PITPNC1: variants seen among roughly 807,000 people sequenced by gnomAD.
PITPNC1 encodes the protein cytoplasmic phosphatidylinositol transfer protein 1.
PITPNC1 carries 18 observed loss-of-function variants against 44.7 expected under a neutral mutation model. The observed-to-expected ratio is 0.40, with a 90% CI of 0.28 to 0.60. The LOEUF is 0.60. Ranked by LOEUF, PITPNC1 falls within the 20% of genes least tolerant of loss-of-function variation. The pLI, the probability that PITPNC1 is intolerant of heterozygous loss-of-function variation, is 0.39. For synonymous variants in PITPNC1, 141 were observed against 149.6 expected (o/e 0.94, Z 0.42); for missense variants, 290 against 418.4 (o/e 0.69, Z 2.68).
chr17:67,661,554 C>T (rs931044795), intron 6 of PITPNC1, among the ~76,000 whole-genome samples: 4 of 152,228 alleles, frequency 2.6e-5, no homozygotes, highest in Admixed American at 6.5e-5. Context: ...TGTAGGGTTG[C>T]GTCTGTTCTG....
At chr17:67,463,258 G>A (rs1283903039) in intron 1 of PITPNC1, among the ~76,000 whole-genome samples, 2 of 152,128 alleles carry the variant, frequency 1.3e-5, no homozygotes, top group Non-Finnish European at 2.9e-5. Context: ...GTGTTTCTTT[G>A]TGCCTCTGAT....
chr17:67,660,450 A>T (rs1324036550), intron 6 of PITPNC1, among the ~76,000 whole-genome samples: 1 of 152,206 alleles, frequency 6.6e-6, no homozygotes, highest in Non-Finnish European at 1.5e-5. Flanking sequence ...ACATCAATTG[A>T]GCACTTGCTA....
intron 5 of PITPNC1, among the ~76,000 whole-genome samples, chr17:67,601,994 G>A (rs1425703630): frequency 2.0e-5 from 3 of 152,206 alleles, no homozygotes; most frequent in African/African-American, 7.2e-5. Context: ...GGGTAATAAA[G>A]GTCAAAGATA....
At chr17:67,426,676 A>C (rs1437020593) in intron 1 of PITPNC1, among the ~76,000 whole-genome samples, 2 of 152,302 alleles carry the variant, frequency 1.3e-5, no homozygotes, top group Admixed American at 6.5e-5. Flanking sequence ...CATGGCACAC[A>C]TATACCTATG....
At chr17:67,571,466 A>C (rs1657673912) in intron 4 of PITPNC1, among the ~76,000 whole-genome samples, 1 of 152,144 alleles carries the variant, frequency 6.6e-6, no homozygotes, top group Non-Finnish European at 1.5e-5. Context: ...AAAATAACAC[A>C]AGTTTGTTAT....
At chr17:67,606,359 C>A (rs1302446104) in intron 5 of PITPNC1, among the ~76,000 whole-genome samples, 1 of 152,146 alleles carries the variant, frequency 6.6e-6, no homozygotes, top group Non-Finnish European at 1.5e-5. Context: ...ATTATTAAGA[C>A]AAGGGACCCT....
At chr17:67,601,754 C>CAAAAAG in intron 5 of PITPNC1, among the ~76,000 whole-genome samples, 1 of 151,700 alleles carries the variant, frequency 6.6e-6, no homozygotes, top group Non-Finnish European at 1.5e-5. Context: ...GACCCTGTCT[C>CAAAAAG]AAAAAGAAAA....
intron 1 of PITPNC1, among the ~76,000 whole-genome samples, chr17:67,465,878 G>T (rs2039419074): frequency 6.6e-6 from 1 of 152,024 alleles, no homozygotes; most frequent in Admixed American, 6.6e-5. Flanking sequence ...TGGGATGGGG[G>T]CTAGAGGGCT....
chr17:67,594,559 T>A (rs1321617776), intron 5 of PITPNC1, among the ~76,000 whole-genome samples: 1 of 152,196 alleles, frequency 6.6e-6, no homozygotes, highest in Non-Finnish European at 1.5e-5. Context: ...CTCTGCCTTG[T>A]GGCCTCCTGC....
chr17:67,529,538 A>G (rs1206243021), intron 1 of PITPNC1, among the ~76,000 whole-genome samples: 1 of 152,252 alleles, frequency 6.6e-6, no homozygotes, highest in African/African-American at 2.4e-5. Flanking sequence ...AACGTTGTGC[A>G]AAACCACCTC....
intron 1 of PITPNC1, among the ~76,000 whole-genome samples, chr17:67,466,974 T>C (rs1244742459): frequency 6.6e-6 from 1 of 152,162 alleles, no homozygotes; most frequent in Non-Finnish European, 1.5e-5. Context: ...AACTGGGCAT[T>C]CTTGTGTTAA....
intron 1 of PITPNC1, among the ~76,000 whole-genome samples, chr17:67,431,257 C>T (rs1598653497): frequency 6.6e-6 from 1 of 152,066 alleles, no homozygotes; most frequent in African/African-American, 2.4e-5. Flanking sequence ...CGGGATTTCA[C>T]CATGTTGACC....
intron 1 of PITPNC1, among the ~76,000 whole-genome samples, chr17:67,464,642 T>C (rs1200866094): frequency 6.6e-6 from 1 of 152,172 alleles, no homozygotes; most frequent in Non-Finnish European, 1.5e-5. Flanking sequence ...TGATGGAAGC[T>C]AATTTAAAAA....
chr17:67,605,057 C>A (rs148855935), intron 5 of PITPNC1, among the ~76,000 whole-genome samples: 17 of 152,164 alleles, frequency 1.1e-4, no homozygotes, highest in African/African-American at 4.1e-4. Flanking sequence ...CCAGCCAGGG[C>A]AACAGGGTGA....
At position 67,578,167 on chromosome 17, in the gene PITPNC1, A is replaced by G. The variant is rs2570035; in HGVS notation, c.295-19A>G. The G allele has an allele frequency of 0.83, 1,281,464 of 1,549,146 alleles. 531,395 individuals carry two copies. The highest frequency in any genetic ancestry group is 0.91 in the Admixed American group (54,333 of 59,902). On this transcript the variant is annotated intron_variant, in intron 4 of 8. Transcript: ENST00000581322. ...GAGAAAAAATGTTATGCTAATGAAAATTTGCTTTTCTCCCACAGTGTTCCT... is the reference window on the plus strand; with the variant it reads ...GAGAAAAAATGTTATGCTAATGAAAGTTTGCTTTTCTCCCACAGTGTTCCT...
At chr17:67,622,711 A>G (rs1301257705) in intron 5 of PITPNC1, among the ~76,000 whole-genome samples, 1 of 152,018 alleles carries the variant, frequency 6.6e-6, no homozygotes, top group East Asian at 1.9e-4. Flanking sequence ...CCCCATCTCT[A>G]CTAAAAATAC....
intron 1 of PITPNC1, among the ~76,000 whole-genome samples, chr17:67,419,865 C>T (rs998791848): frequency 4.0e-5 from 6 of 151,808 alleles, no homozygotes; most frequent in East Asian, 1.9e-4. Flanking sequence ...GAGACTGTGC[C>T]GCTGCACTCC....
chr17:67,557,133 G>C (rs1045933153), intron 4 of PITPNC1, among the ~76,000 whole-genome samples: 6 of 152,124 alleles, frequency 3.9e-5, no homozygotes, highest in African/African-American at 1.4e-4. Context: ...GTGCGACTGG[G>C]TTCCTGGTGA....
intron 4 of PITPNC1, among the ~76,000 whole-genome samples, chr17:67,575,710 T>C (rs1351405815): frequency 2.6e-5 from 4 of 152,154 alleles, no homozygotes; most frequent in African/African-American, 9.7e-5. Context: ...GGTAAACAGA[T>C]TGCTGAACCC....
Sources: gnomAD v4.1 joint callset for allele counts (sites outside exome capture counted in the v4.1 genomes callset) on GRCh38, gnomAD v4.1.1 for gene constraint, MANE v1.5 for transcripts, NCBI Gene and HGNC (gene_info 2026-07-23, HGNC 2026-07-21) for gene names.